ZNF264: variants seen among roughly 807,000 people sequenced by gnomAD.
The protein encoded by ZNF264 is zinc finger protein 264.
Under a neutral mutation model 11.2 loss-of-function variants are expected in ZNF264, and 11 were observed. That is an observed-to-expected ratio of 0.98 (90% confidence interval 0.62 to 1.63). The LOEUF (loss-of-function observed/expected upper bound fraction) is 1.63. ZNF264 is among the 40% of genes most tolerant of loss of function. The pLI is 0.00. For synonymous variants in ZNF264, 309 were observed against 279.8 expected (o/e 1.10, Z -1.04); for missense variants, 752 against 768.1 (o/e 0.98, Z 0.25).
At position 57,211,774 on chromosome 19, in the gene ZNF264, C is replaced by G. The variant is rs1191300612; in HGVS notation, c.677C>G (p.Ser226Cys). The G allele has an allele frequency of 2.5e-6, 4 of 1,614,208 alleles. No individual in the cohort carries two copies. The highest frequency in any genetic ancestry group is 1.6e-4 in the Middle Eastern group (1 of 6,062). Reference protein sequence around the residue: ...HLLAGHEKIHSGVKPYECTEC... With the variant: ...HLLAGHEKIHCGVKPYECTEC... Reference sequence around the variant, plus strand: ...CTTGCTGGACATGAGAAAATTCACTCTGGAGTTAAGCCCTATGAATGCACA... The same window carrying G: ...CTTGCTGGACATGAGAAAATTCACTGTGGAGTTAAGCCCTATGAATGCACA... Residue 226 changes from serine to cysteine, a missense_variant, in exon 4 of 4, where the codon TCT becomes TGT. Ser to Cys is a moderately radical substitution (Grantham distance 112). Coordinates refer to ENST00000263095, the MANE Select transcript of ZNF264 (RefSeq NM_003417.5).
intron 2 of ZNF264, among the ~76,000 whole-genome samples, chr19:57,197,627 A>G (rs1377443918): frequency 7.9e-5 from 12 of 151,916 alleles, no homozygotes. Flanking sequence ...TCCCACTCAA[A>G]ACTGGCAGCC....
At chr19:57,205,610 A>T in intron 3 of ZNF264, 118 bp downstream of exon 3, 2 of 863,584 alleles carry the variant, frequency 2.3e-6, no homozygotes, top group South Asian at 3.0e-5. Context: ...TATAACTCTT[A>T]TATAACTCTA....
rs748594360 is a variant in ZNF264, at chr19:57,211,528, T to C, written c.431T>C (p.Ile144Thr). The C allele has an allele frequency of 6.2e-7, 1 of 1,613,824 alleles. No homozygotes were observed. The highest frequency in any genetic ancestry group is 1.3e-5 in the African/African-American group (1 of 74,822). The stretch of plus-strand genomic sequence containing the variant: ...CAGGAAGGACACTTCAGACCAGGAA[T>C]AGATCCCCAGGAGAAGTCTCCTGGG... ...EMQEGHFRPG[I>T]DPQEKSPGKM... is the part of the protein sequence containing the mutation. The change falls in exon 4 of 4, where the codon ATA becomes ACA. Residue 144 changes from isoleucine to threonine, a missense_variant. Coordinates refer to ENST00000263095, the MANE Select transcript of ZNF264 (RefSeq NM_003417.5).
intron 3 of ZNF264, among the ~76,000 whole-genome samples, chr19:57,208,120 G>A (rs1261456845): frequency 6.6e-6 from 1 of 152,232 alleles, no homozygotes; most frequent in Non-Finnish European, 1.5e-5. Context: ...CTCCCAAAGT[G>A]CAGGGATTAC....
At chr19:57,206,852 A>C in intron 3 of ZNF264, among the ~76,000 whole-genome samples, 1 of 140,042 alleles carries the variant, frequency 7.1e-6, no homozygotes, top group Non-Finnish European at 1.5e-5. Flanking sequence ...TTTTCCAAAA[A>C]CCTCAGGGTG....
intron 2 of ZNF264, among the ~76,000 whole-genome samples, chr19:57,201,032 T>C (rs1176096147): frequency 1.3e-5 from 2 of 151,920 alleles, no homozygotes; most frequent in Non-Finnish European, 2.9e-5. Flanking sequence ...TGGATCAAAT[T>C]ATGGACATTG....
rs1469745318 is a variant in ZNF264, at chr19:57,213,691, T to C, written c.*710T>C. ...TAAAATCGACAGCATTTCTAGTTCC[T>C]TTGACATTCCATATAATTTTTAGGA... is the stretch of plus-strand genomic sequence containing the variant. On this transcript the variant is annotated 3_prime_UTR_variant, in exon 4 of 4. Coordinates refer to ENST00000263095, the MANE Select transcript of ZNF264 (RefSeq NM_003417.5). 6.6e-6 allele frequency: 1 copy of C among 152,250 alleles called. No individual in the cohort carries two copies. The highest frequency in any genetic ancestry group is 6.5e-5 in the Admixed American group (1 of 15,286). The allele number at this position is 152,250 out of a possible 1,614,324, so 9.4% of individuals were successfully genotyped here. A position where few individuals can be genotyped will look rare whatever the true frequency, so the allele number is the denominator to read the frequency against.
Position 57,217,345 on chromosome 19 carries a change from C to A in ZNF264, c.*4364C>A, listed in dbSNP as rs1310831863. 6.6e-6 allele frequency: 1 copy of A among 152,178 alleles called. No individual in the cohort carries two copies. Among genetic ancestry groups the A allele is most frequent in the African/African-American group, 2.4e-5 (1 of 41,434 alleles). 9.4% of individuals were successfully genotyped at this position (152,178 alleles called of 1,614,324 possible). A position where few individuals can be genotyped will look rare whatever the true frequency, so the allele number is the denominator to read the frequency against. On this transcript the variant is annotated 3_prime_UTR_variant, in exon 4 of 4. Transcript: ENST00000263095. ...ACTTCCATTAGGTTCCTTTAGCTTA[C>A]CTACTAATGTAACTATCTTAAGTAA... is the stretch of plus-strand genomic sequence containing the variant.
intron 2 of ZNF264, among the ~76,000 whole-genome samples, chr19:57,202,016 A>G (rs2087256968): frequency 6.6e-6 from 1 of 151,702 alleles, no homozygotes; most frequent in Admixed American, 6.6e-5. Context: ...GACCAGCCTG[A>G]GCAATAAAGT....
chr19:57,194,349 C>T (rs538876346), intron 2 of ZNF264, among the ~76,000 whole-genome samples: 4 of 152,310 alleles, frequency 2.6e-5, no homozygotes, highest in African/African-American at 9.6e-5. Context: ...GCTCATGTCA[C>T]GTCTATTCTC....
Position 57,213,020 on chromosome 19 carries a change from G to T in ZNF264, c.*39G>T, listed in dbSNP as rs1276562988. ...TGCTGAATATTACTTGTCATCTGAA[G>T]AGTCATATTAGAAATTCGTTCAGTC... On this transcript the variant is annotated 3_prime_UTR_variant, in exon 4 of 4. Coordinates refer to ENST00000263095, the MANE Select transcript of ZNF264 (RefSeq NM_003417.5). The T allele has an allele frequency of 6.4e-6, 10 of 1,560,412 alleles. No homozygotes were observed. Among genetic ancestry groups the T allele is most frequent in the Non-Finnish European group, 8.7e-6 (10 of 1,152,272 alleles).
intron 2 of ZNF264, among the ~76,000 whole-genome samples, chr19:57,196,447 G>A (rs952299008): frequency 2.6e-5 from 4 of 151,884 alleles, no homozygotes; most frequent in African/African-American, 4.9e-5. Context: ...TGATCACCCC[G>A]AGGGATGGTT....
intron 2 of ZNF264, among the ~76,000 whole-genome samples, chr19:57,196,431 G>A (rs993728425): frequency 1.3e-5 from 2 of 151,954 alleles, no homozygotes; most frequent in African/African-American, 2.4e-5. Context: ...CCGCCAGGTA[G>A]CTGGCTGATC....
Position 57,213,194 on chromosome 19 carries a change from G to GA in ZNF264, c.*219dup. 2.2e-6 allele frequency: 1 copy of GA among 454,592 alleles called. No individual in the cohort carries two copies. Among genetic ancestry groups the GA allele is most frequent in the Non-Finnish European group, 3.8e-6 (1 of 261,960 alleles). The allele number at this position is 454,592 out of a possible 1,614,324, so 28.2% of individuals were successfully genotyped here. A position where few individuals can be genotyped will look rare whatever the true frequency, so the allele number is the denominator to read the frequency against. On this transcript the variant is annotated 3_prime_UTR_variant, in exon 4 of 4. Transcript: ENST00000263095. ...ATTTTTAAAAGGAGGAGGGGACATA[G>GA]AAAAAATGAAATGCAAGCACACATC...
intron 2 of ZNF264, among the ~76,000 whole-genome samples, chr19:57,197,492 A>G (rs56740477): frequency 0.05 from 7,569 of 151,924 alleles, 803 homozygotes; most frequent in African/African-American, 0.17. Context: ...GGCTCCAAAC[A>G]GCATCCCTAT....
chr19:57,191,956 C>A lies in ZNF264; in HGVS notation c.33+10C>A, dbSNP rs188596030. 207 of 1,533,064 alleles carry A rather than the reference C, an allele frequency of 1.4e-4. 1 individual carries two copies. The African/African-American group carries it at 2.8e-3, about 21-fold the overall frequency. 95.0% of individuals were successfully genotyped at this position (1,533,064 alleles called of 1,614,324 possible). A position where few individuals can be genotyped will look rare whatever the true frequency, so the allele number is the denominator to read the frequency against. On this transcript the variant is annotated intron_variant, in intron 1 of 3. Transcript: ENST00000263095. The stretch of plus-strand genomic sequence containing the variant: ...GACGGACCGGGCCCAGGTGAGTGGA[C>A]GGTGGCTTCGCGGTTGCCGCTTCCT...
In ZNF264 at chr19:57,216,863, CTTTT is replaced by C. The variant is rs767780377; in HGVS notation, c.*3891_*3894del. The C allele has an allele frequency of 7.3e-6, 1 of 137,302 alleles. No homozygotes were observed. The highest frequency in any genetic ancestry group is 2.3e-4 in the South Asian group (1 of 4,314). The allele number at this position is 137,302 out of a possible 1,614,324, so 8.5% of individuals were successfully genotyped here. A position where few individuals can be genotyped will look rare whatever the true frequency, so the allele number is the denominator to read the frequency against. Reference sequence around the variant, plus strand: ...CTAGTCTTCCTATAGGTTACTTCACCTTTTTTTTTTTTAATAATTTGATTTGATA... The same window carrying C: ...CTAGTCTTCCTATAGGTTACTTCACCTTTTTTTTAATAATTTGATTTGATA... On this transcript the variant is annotated 3_prime_UTR_variant, in exon 4 of 4. Coordinates refer to ENST00000263095, the MANE Select transcript of ZNF264 (RefSeq NM_003417.5).
At chr19:57,208,988 T>A (rs1238957883) in intron 3 of ZNF264, among the ~76,000 whole-genome samples, 5 of 152,250 alleles carry the variant, frequency 3.3e-5, no homozygotes, top group Non-Finnish European at 2.9e-5. Context: ...AAATCATTTT[T>A]TATTTTATGA....
At chr19:57,191,967 C>G (rs772280219) in intron 1 of ZNF264, 21 bp downstream of exon 1, 8 of 1,527,674 alleles carry the variant, frequency 5.2e-6, no homozygotes, top group Non-Finnish European at 6.2e-6. Flanking sequence ...GGTGGCTTCG[C>G]GGTTGCCGCT....
Sources: gnomAD v4.1 joint callset for allele counts (sites outside exome capture counted in the v4.1 genomes callset) on GRCh38, gnomAD v4.1.1 for gene constraint, MANE v1.5 for transcripts, NCBI Gene and HGNC (gene_info 2026-07-23, HGNC 2026-07-21) for gene names.